The following GRIA1 variants were observed in gnomAD, a reference collection of about 807,000 sequenced individuals.
The protein encoded by GRIA1 is glutamate ionotropic receptor AMPA type subunit 1.
GRIA1 carries 31 observed loss-of-function variants against 99.2 expected under a neutral mutation model. That is an observed-to-expected ratio of 0.31 (90% confidence interval 0.23 to 0.42). The LOEUF (loss-of-function observed/expected upper bound fraction) is 0.42. GRIA1 is among the 10% of genes least tolerant of loss of function. The pLI is 1.00. For missense variants in GRIA1, 782 were observed against 1,157.5 expected (o/e 0.68, Z 4.71); for synonymous variants, 438 against 432.4 (o/e 1.01, Z -0.16).
chr5:153,686,221 C>A lies in GRIA1; in HGVS notation c.1030-4C>A. 1 of 1,611,480 alleles carries A rather than the reference C, an allele frequency of 6.2e-7. No individual in the cohort carries two copies. Among genetic ancestry groups the A allele is most frequent in the African/African-American group, 1.3e-5 (1 of 74,968 alleles). On this transcript the variant is annotated splice_polypyrimidine_tract_variant and splice_region_variant and intron_variant, in intron 7 of 15. Coordinates refer to ENST00000285900, the MANE Select transcript of GRIA1 (RefSeq NM_000827.4). ...ACTGCCCACCACTTGGTTTTGTTTT[C>A]CAGGTGCGATTTGAAGGTTTAACAG... is the stretch of plus-strand genomic sequence containing the variant.
chr5:153,603,749 A>G (rs1765210263), intron 2 of GRIA1, among the ~76,000 whole-genome samples: 1 of 152,146 alleles, frequency 6.6e-6, no homozygotes, highest in African/African-American at 2.4e-5. Flanking sequence ...ACAAGAAGGG[A>G]CTGATCATGT....
chr5:153,784,986 C>T (rs753214741), intron 13 of GRIA1, among the ~76,000 whole-genome samples: 1 of 152,116 alleles, frequency 6.6e-6, no homozygotes, highest in African/African-American at 2.4e-5. Context: ...AAAAGAACCC[C>T]GGCTTAGCCT....
intron 2 of GRIA1, among the ~76,000 whole-genome samples, chr5:153,623,030 C>G (rs1486954441): frequency 3.9e-5 from 6 of 152,168 alleles, no homozygotes; most frequent in East Asian, 1.9e-4. Context: ...GATAACTATA[C>G]TCTAGATCAC....
intron 15 of GRIA1, among the ~76,000 whole-genome samples, chr5:153,805,826 CCAA>C (rs1766388986): frequency 6.6e-6 from 1 of 152,186 alleles, no homozygotes; most frequent in African/African-American, 2.4e-5. Flanking sequence ...TTTTCAGAAG[CCAA>C]CATCAGGGTC....
At chr5:153,619,702 A>G (rs999391257) in intron 2 of GRIA1, among the ~76,000 whole-genome samples, 66 of 151,658 alleles carry the variant, frequency 4.4e-4, no homozygotes, top group African/African-American at 1.6e-3. Context: ...TTTTAAAAAA[A>G]AGAGAGAGAG....
intron 6 of GRIA1, among the ~76,000 whole-genome samples, chr5:153,676,136 C>T (rs536014613): frequency 2.6e-5 from 4 of 152,136 alleles, no homozygotes; most frequent in East Asian, 3.9e-4. Context: ...GGATTACAGG[C>T]GTGAGCCACT....
chr5:153,749,992 A>G (rs1762406959), intron 11 of GRIA1, among the ~76,000 whole-genome samples: 3 of 151,984 alleles, frequency 2.0e-5, no homozygotes, highest in African/African-American at 7.2e-5. Flanking sequence ...CCCAGAGTCC[A>G]GGGCCCTCCC....
intron 8 of GRIA1, among the ~76,000 whole-genome samples, chr5:153,696,355 T>A (rs1758099901): frequency 1.3e-5 from 2 of 152,198 alleles, no homozygotes; most frequent in Non-Finnish European, 2.9e-5. Flanking sequence ...AATCCCTTCT[T>A]AGGAAGAACA....
At chr5:153,785,594 A>G (rs1764921209) in intron 13 of GRIA1, among the ~76,000 whole-genome samples, 1 of 152,230 alleles carries the variant, frequency 6.6e-6, no homozygotes, top group Non-Finnish European at 1.5e-5. Context: ...TGTCCTTTAA[A>G]TGGAAAAGTT....
Position 153,491,340 on chromosome 5 carries a change from T to G in GRIA1, c.82+370T>G, listed in dbSNP as rs919070210. 47 of 1,134,692 alleles carry G rather than the reference T, an allele frequency of 4.1e-5. 1 individual carries two copies. The highest frequency in any genetic ancestry group is 8.7e-5 in the Admixed American group (2 of 22,874). 70.3% of individuals were successfully genotyped at this position (1,134,692 alleles called of 1,614,324 possible). ...CTTGATTCCATTTTTAATGTAAGTA[T>G]GTATGGTGTGTGTGTTTTCACGTGT... On this transcript the variant is annotated intron_variant, in intron 1 of 15. Coordinates refer to ENST00000285900, the MANE Select transcript of GRIA1 (RefSeq NM_000827.4).
chr5:153,725,896 G>A (rs1478773336), intron 11 of GRIA1, among the ~76,000 whole-genome samples: 2 of 133,596 alleles, frequency 1.5e-5, no homozygotes, highest in African/African-American at 5.8e-5. Flanking sequence ...GGACCTAATA[G>A]ACATCTACAG....
chr5:153,785,342 T>C (rs1233546481), intron 13 of GRIA1, among the ~76,000 whole-genome samples: 1 of 152,208 alleles, frequency 6.6e-6, no homozygotes. Flanking sequence ...TAAGGGTAGA[T>C]GGAGAGTTCC....
chr5:153,607,518 C>A (rs952652755), intron 2 of GRIA1, among the ~76,000 whole-genome samples: 2 of 151,784 alleles, frequency 1.3e-5, no homozygotes, highest in African/African-American at 4.8e-5. Context: ...TCACTATTTT[C>A]TTGGCTTGTT....
At chr5:153,648,768 G>T (rs1012523068) in intron 3 of GRIA1, among the ~76,000 whole-genome samples, 3 of 151,836 alleles carry the variant, frequency 2.0e-5, no homozygotes, top group African/African-American at 7.3e-5. Flanking sequence ...CTGAAAGTCA[G>T]AAATGACATA....
intron 2 of GRIA1, among the ~76,000 whole-genome samples, chr5:153,547,284 C>T (rs907050302): frequency 6.6e-6 from 1 of 151,982 alleles, no homozygotes. Flanking sequence ...GATTGGACAC[C>T]CCTGATCTAG....
At chr5:153,695,014 A>G (rs975206512) in intron 8 of GRIA1, among the ~76,000 whole-genome samples, 1 of 152,178 alleles carries the variant, frequency 6.6e-6, no homozygotes, top group East Asian at 1.9e-4. Context: ...AGGACCATCT[A>G]TGAGGGGATA....
At chr5:153,788,946 G>A (rs1383680380) in intron 13 of GRIA1, among the ~76,000 whole-genome samples, 1 of 151,936 alleles carries the variant, frequency 6.6e-6, no homozygotes, top group South Asian at 2.1e-4. Context: ...ATTTCCTTTG[G>A]CTCTATTGTC....
chr5:153,602,351 A>G (rs1403281175), intron 2 of GRIA1, among the ~76,000 whole-genome samples: 1 of 147,054 alleles, frequency 6.8e-6, no homozygotes, highest in Non-Finnish European at 1.5e-5. Context: ...GGACACAGGA[A>G]GGGGAACATC....
chr5:153,571,922 T>C (rs577238665), intron 2 of GRIA1, among the ~76,000 whole-genome samples: 1 of 152,270 alleles, frequency 6.6e-6, no homozygotes, highest in African/African-American at 2.4e-5. Context: ...GCTTTTAGGC[T>C]ACCTTGGTAG....
Sources: allele counts gnomAD v4.1 joint callset (sites outside exome capture counted in the v4.1 genomes callset), GRCh38; gene constraint gnomAD v4.1.1; transcripts MANE v1.5; gene names NCBI Gene and HGNC (gene_info 2026-07-23, HGNC 2026-07-21).